NBAS: variants seen among roughly 807,000 people sequenced by gnomAD.
NBAS encodes the protein NAG/BC035112 fusion.
In NBAS, 219 loss-of-function variants were observed where a neutral mutation model predicts 302.5. The observed-to-expected ratio is 0.72, with a 90% CI of 0.65 to 0.81. The LOEUF (loss-of-function observed/expected upper bound fraction) is 0.81, where lower values mean the gene tolerates loss of function less well. Among genes scored for constraint, NBAS ranks in the 30% least tolerant of loss-of-function variants. NBAS has a pLI of 0.00. For synonymous variants in NBAS, 1,118 were observed against 1,021.6 expected, an observed-to-expected ratio of 1.09 and a Z score of -1.80; for missense variants, 2,932 against 2,841.6, an observed-to-expected ratio of 1.03 and a Z score of -0.72.
At chr2:14,993,064 TATCTC>T in the NBAS span, among the ~76,000 whole-genome samples, 1 of 152,162 alleles carries the variant, frequency 6.6e-6, no homozygotes, top group Non-Finnish European at 1.5e-5. Flanking sequence ...TCCCTGTAGT[TATCTC>T]AGGGAAGGGG....
At chr2:15,366,893 C>G (rs756126954) in intron 31 of NBAS, among the ~76,000 whole-genome samples, 200 bp from the exon 32 acceptor site, 1 of 152,134 alleles carries the variant, frequency 6.6e-6, no homozygotes, top group Non-Finnish European at 1.5e-5. Flanking sequence ...CAACCTTGAT[C>G]TTTTCTTCAT....
intron 39 of NBAS, 107 bp from the exon 40 acceptor site, chr2:15,308,460 CA>C: frequency 7.2e-7 from 1 of 1,386,506 alleles, no homozygotes; most frequent in Non-Finnish European, 1.0e-6. Context: ...ACAAAGTTCC[CA>C]TTACATCAAC....
chr2:15,123,604 G>T, the NBAS span, among the ~76,000 whole-genome samples: 2 of 152,068 alleles, frequency 1.3e-5, no homozygotes, highest in African/African-American at 4.8e-5. Flanking sequence ...GTTCTCAGTT[G>T]GTTCACAGGA....
chr2:15,407,461 T>G (rs1053794776), intron 25 of NBAS, among the ~76,000 whole-genome samples: 8 of 152,124 alleles, frequency 5.3e-5, no homozygotes, highest in African/African-American at 1.9e-4. Context: ...AGGAGAGTCT[T>G]TTTGAAACTT....
At chr2:15,369,301 C>T (rs1674371819) in intron 31 of NBAS, among the ~76,000 whole-genome samples, 1 of 152,132 alleles carries the variant, frequency 6.6e-6, no homozygotes, top group African/African-American at 2.4e-5. Context: ...TCTTTTTCCA[C>T]CTCAATAAAC....
intron 9 of NBAS, among the ~76,000 whole-genome samples, chr2:15,531,815 A>T (rs1412117311): frequency 6.6e-6 from 1 of 152,176 alleles, no homozygotes; most frequent in African/African-American, 2.4e-5. Flanking sequence ...ACCTATTCCA[A>T]GTCTTTGCAA....
intron 9 of NBAS, among the ~76,000 whole-genome samples, chr2:15,519,233 TCTAA>T (rs985166248): frequency 6.6e-6 from 1 of 152,176 alleles, no homozygotes; most frequent in Non-Finnish European, 1.5e-5. Flanking sequence ...GTAAACTACT[TCTAA>T]CTTTTTGGAA....
At chr2:14,965,303 G>A in the NBAS span, among the ~76,000 whole-genome samples, 1 of 152,056 alleles carries the variant, frequency 6.6e-6, no homozygotes, top group Admixed American at 6.5e-5. Context: ...AGACTGGTTA[G>A]TTAGAAACAA....
chr2:15,153,782 G>T, the NBAS span, among the ~76,000 whole-genome samples: 2 of 152,188 alleles, frequency 1.3e-5, no homozygotes, highest in African/African-American at 4.8e-5. Context: ...TTAAATTTTG[G>T]CCTCTTTCTA....
In NBAS at chr2:15,206,725, T is replaced by C. The variant is rs572204628; in HGVS notation, c.6432+12048A>G. ...CAAACACAGAGCTCAGGCCATTGCT[T>C]CAGAGAGTGCAAGCCAAGCCCCAAG... is the stretch of plus-strand genomic sequence containing the variant. On this transcript the variant is annotated intron_variant, in intron 48 of 51. Transcript: ENST00000281513. 1.1e-4 allele frequency among the ~76,000 whole-genome samples: 17 copies of C among 152,310 alleles called. No homozygotes were observed. The South Asian group carries it at 2.5e-3, about 22-fold the overall frequency.
Position 15,461,216 on chromosome 2 carries a change from A to C in NBAS, c.2324T>G (p.Leu775Trp). ...AGTCACATACCAAGCTTCGGGCAGC[A>C]AAACAGAATATTCATGTGGAGAAGT... is the stretch of plus-strand genomic sequence containing the variant. ...ETTSPHEYSV[L>W]LPEACFNGDS... The change falls in exon 21 of 52, where the codon TTG (leucine) becomes TGG (tryptophan). Residue 775 changes from leucine (L) to tryptophan (W), a missense_variant. Leu to Trp is a moderately conservative substitution (Grantham distance 61). Coordinates refer to ENST00000281513, the MANE Select transcript of NBAS (RefSeq NM_015909.4). The C allele has an allele frequency of 6.2e-7, 1 of 1,613,878 alleles. No homozygotes were observed. Among genetic ancestry groups the C allele is most frequent in the Non-Finnish European group, 8.5e-7 (1 of 1,179,812 alleles).
chr2:14,855,833 C>G, the NBAS span, among the ~76,000 whole-genome samples: 8 of 152,302 alleles, frequency 5.3e-5, no homozygotes, highest in African/African-American at 1.7e-4. Flanking sequence ...CCACTTAGGG[C>G]TTGTGAGACC....
At chr2:15,099,341 G>C in the NBAS span, among the ~76,000 whole-genome samples, 29 of 152,100 alleles carry the variant, frequency 1.9e-4, no homozygotes, top group African/African-American at 7.0e-4. Flanking sequence ...CCATTTCTGA[G>C]AGGATATGAT....
chr2:15,134,266 C>T, the NBAS span, among the ~76,000 whole-genome samples: 2 of 152,120 alleles, frequency 1.3e-5, no homozygotes, highest in Non-Finnish European at 2.9e-5. Flanking sequence ...CTCCTTTCTG[C>T]CCTGCGAGGA....
the NBAS span, among the ~76,000 whole-genome samples, chr2:14,808,798 A>T: frequency 6.6e-6 from 1 of 152,212 alleles, no homozygotes; most frequent in Non-Finnish European, 1.5e-5. Flanking sequence ...AAAATGTGGG[A>T]AAGTTTGAAA....
intron 28 of NBAS, among the ~76,000 whole-genome samples, chr2:15,384,839 C>T (rs1253556636): frequency 6.6e-6 from 1 of 152,122 alleles, no homozygotes. Context: ...GTTTCTTTTT[C>T]ATGCATCTTT....
the NBAS span, among the ~76,000 whole-genome samples, chr2:14,904,723 G>T: frequency 1.3e-5 from 2 of 152,262 alleles, no homozygotes; most frequent in East Asian, 1.9e-4. Flanking sequence ...GGCACTGTGC[G>T]CAATTTGTGT....
the NBAS span, among the ~76,000 whole-genome samples, chr2:14,820,369 G>A: frequency 6.6e-6 from 1 of 152,146 alleles, no homozygotes; most frequent in Non-Finnish European, 1.5e-5. Flanking sequence ...GCAACAACAT[G>A]GATAGAACTG....
At chr2:14,806,192 A>T in the NBAS span, among the ~76,000 whole-genome samples, 1 of 152,270 alleles carries the variant, frequency 6.6e-6, no homozygotes, top group Non-Finnish European at 1.5e-5. Context: ...AATCAGGTTG[A>T]TGCTGGCACT....
Sources: gnomAD v4.1 joint callset for allele counts (sites outside exome capture counted in the v4.1 genomes callset) on GRCh38, gnomAD v4.1.1 for gene constraint, MANE v1.5 for transcripts, NCBI Gene and HGNC (gene_info 2026-07-23, HGNC 2026-07-21) for gene names.